The following MBD2 variants were observed in gnomAD, a reference collection of about 807,000 sequenced individuals.
MBD2 encodes the protein methyl-CpG-binding domain protein 2.
MBD2 carries 9 observed loss-of-function variants against 39.3 expected under a neutral mutation model. The ratio of observed to expected loss-of-function variants is 0.23; its 90% confidence interval spans 0.14 to 0.40. The LOEUF is 0.40. MBD2 is among the 10% of genes least tolerant of loss of function. The probability of loss-of-function intolerance (pLI) is 1.00; values close to 1 mark genes in which losing one functional copy is unlikely to be tolerated. For synonymous variants in MBD2, 233 were observed against 211.1 expected, an observed-to-expected ratio of 1.10 and a Z score of -0.90; for missense variants, 458 against 532.6, an observed-to-expected ratio of 0.86 and a Z score of 1.38.
intron 5 of MBD2, among the ~76,000 whole-genome samples, chr18:54,160,392 G>A (rs2086087352): frequency 6.6e-6 from 1 of 152,082 alleles, no homozygotes; most frequent in African/African-American, 2.4e-5. Context: ...CTCTCTCCTG[G>A]ATTCTGAGGT....
In MBD2 at chr18:54,167,619, G is replaced by A. The variant is rs111780882; in HGVS notation, c.841-1453C>T. 4.2e-3 allele frequency among the ~76,000 whole-genome samples: 644 copies of A among 152,296 alleles called. 6 individuals carry two copies. The highest frequency in any genetic ancestry group is 0.013 in the South Asian group (65 of 4,828). ...AGATAATTGTCCTCCAGACAAATGA[G>A]AAGATAAAGTAGTGTAATTCTATTT... On this transcript the variant is annotated intron_variant, in intron 3 of 6. Transcript: ENST00000256429.
intron 2 of MBD2, among the ~76,000 whole-genome samples, chr18:54,197,803 T>C (rs1397253831): frequency 6.6e-6 from 1 of 152,208 alleles, no homozygotes; most frequent in Non-Finnish European, 1.5e-5. Context: ...TCACTTCTAC[T>C]TTTGATTTCA....
rs1398632895 is a variant in MBD2 at position 54,205,111 on chromosome 18, G to T, written c.589C>A (p.Leu197Met). 1 of 1,613,880 alleles carries T rather than the reference G, an allele frequency of 6.2e-7. No homozygotes were observed. Among genetic ancestry groups the T allele is most frequent in the East Asian group, 2.2e-5 (1 of 44,868 alleles). The part of the protein sequence containing the change: ...FRSKPQLARY[L>M]GNTVDLSSFD... ...CTGCTGAGATCAACAGTATTTCCCA[G>T]GTACCTTGCCAACTGAGGCTTGCTT... is the stretch of plus-strand genomic sequence containing the variant. Residue 197 changes from leucine to methionine, a missense_variant, in exon 2 of 7, where the codon CTG becomes ATG. Physicochemically the swap from Leu to Met is conservative, Grantham distance 15. This residue lies in a region of MBD2 where 189 missense variants were observed against 296.6 expected (regional missense o/e 0.64). Transcript: ENST00000256429.
intron 2 of MBD2, among the ~76,000 whole-genome samples, chr18:54,193,256 A>G (rs2086336240): frequency 1.3e-5 from 2 of 152,348 alleles, no homozygotes; most frequent in Non-Finnish European, 2.9e-5. Flanking sequence ...AAAGCCAGAC[A>G]CTTTTTTATG....
chr18:54,218,986 T>C (rs2086585861), intron 1 of MBD2, among the ~76,000 whole-genome samples: 1 of 149,478 alleles, frequency 6.7e-6, no homozygotes, highest in South Asian at 2.1e-4. Flanking sequence ...AAATCCAGTA[T>C]GATAGCTCAT....
intron 3 of MBD2, among the ~76,000 whole-genome samples, chr18:54,179,352 G>C (rs2086233393): frequency 6.6e-6 from 1 of 152,148 alleles, no homozygotes; most frequent in Non-Finnish European, 1.5e-5. Context: ...TCACCTCCAA[G>C]CTCATTTTAT....
intron 2 of MBD2, chr18:54,202,864 C>A: frequency 1.5e-6 from 2 of 1,354,274 alleles, no homozygotes; most frequent in South Asian, 1.2e-5. Context: ...ACAAACAAGT[C>A]ACAAATACAA....
intron 3 of MBD2, among the ~76,000 whole-genome samples, chr18:54,169,409 G>A (rs1424658161): frequency 6.6e-6 from 1 of 150,958 alleles, no homozygotes; most frequent in Non-Finnish European, 1.5e-5. Flanking sequence ...GGGCCTCAGT[G>A]CTTCAGAGGG....
chr18:54,173,428 A>G (rs1450680085), intron 3 of MBD2, among the ~76,000 whole-genome samples: 1 of 152,228 alleles, frequency 6.6e-6, no homozygotes, highest in Non-Finnish European at 1.5e-5. Flanking sequence ...CACAGGTCAC[A>G]TGTCCACAAA....
Position 54,151,614 on chromosome 18 carries a change from C to G in MBD2, c.*3710G>C, listed in dbSNP as rs2086022141. 1 of 152,090 alleles carries G rather than the reference C, an allele frequency of 6.6e-6. No homozygotes were observed. Among genetic ancestry groups the G allele is most frequent in the African/African-American group, 2.4e-5 (1 of 41,426 alleles). 9.4% of individuals were successfully genotyped at this position (152,090 alleles called of 1,614,324 possible). A position where few individuals can be genotyped will look rare whatever the true frequency, so the allele number is the denominator to read the frequency against. On this transcript the variant is annotated 3_prime_UTR_variant, in exon 7 of 7. Coordinates refer to ENST00000256429, the MANE Select transcript of MBD2 (RefSeq NM_003927.5). The stretch of plus-strand genomic sequence containing the variant: ...ATGACTTACACAAACAGTTTTAAAG[C>G]TTCAAAATTTATTGCTGTACATTTT...
chr18:54,203,302 A>G (rs1029635248), intron 2 of MBD2, among the ~76,000 whole-genome samples: 1 of 152,218 alleles, frequency 6.6e-6, no homozygotes, highest in African/African-American at 2.4e-5. Flanking sequence ...ACTGTGTTTT[A>G]AGATGGCAAT....
chr18:54,206,697 G>C (rs541890750), intron 1 of MBD2, among the ~76,000 whole-genome samples: 1 of 152,208 alleles, frequency 6.6e-6, no homozygotes, highest in African/African-American at 2.4e-5. Flanking sequence ...CATGACTTAA[G>C]TATTCGTGAA....
intron 3 of MBD2, among the ~76,000 whole-genome samples, chr18:54,169,762 G>A (rs1599079334): frequency 1.3e-5 from 2 of 152,282 alleles, no homozygotes; most frequent in African/African-American, 4.8e-5. Context: ...TGCCTGGTGT[G>A]AGGCCAAATA....
chr18:54,159,942 C>G (rs776983525), intron 5 of MBD2, 39 bp from the exon 6 acceptor site: 1 of 1,600,890 alleles, frequency 6.2e-7, no homozygotes, highest in East Asian at 2.2e-5. Flanking sequence ...GAGAATTTGG[C>G]AAGTAATGAC....
At chr18:54,183,342 T>A (rs2086263542) in intron 3 of MBD2, among the ~76,000 whole-genome samples, 1 of 151,944 alleles carries the variant, frequency 6.6e-6, no homozygotes, top group Non-Finnish European at 1.5e-5. Context: ...TGAGAATGAG[T>A]GAAATTACCC....
At chr18:54,219,679 T>G (rs1001846764) in intron 1 of MBD2, among the ~76,000 whole-genome samples, 1 of 152,180 alleles carries the variant, frequency 6.6e-6, no homozygotes, top group Non-Finnish European at 1.5e-5. Context: ...CCATTTATTT[T>G]TTGTTTGTTT....
intron 5 of MBD2, 77 bp from the exon 6 acceptor site, chr18:54,159,980 CT>C: frequency 6.8e-7 from 1 of 1,473,004 alleles, no homozygotes; most frequent in Non-Finnish European, 9.3e-7. Context: ...GAAGTTCATC[CT>C]TACTTCAAAA....
At chr18:54,177,520 G>A (rs2086220108) in intron 3 of MBD2, among the ~76,000 whole-genome samples, 2 of 150,878 alleles carry the variant, frequency 1.3e-5, no homozygotes, top group South Asian at 4.2e-4. Flanking sequence ...TCGCTCTGTC[G>A]CCCTGGCTGG....
At position 54,164,675 on chromosome 18, in the gene MBD2, CTCA is replaced by C. The variant is rs1245727933; in HGVS notation, c.954_956del (p.Asp318del). Reference sequence around the variant, plus strand: ...CACTGGCAACAGCAGATAAAAGGGTCTCATCATTGCTACCTGGACCAACTCCTG... The same window carrying C: ...CACTGGCAACAGCAGATAAAAGGGTCTCATTGCTACCTGGACCAACTCCTG... On this transcript the variant is annotated inframe_deletion, in exon 5 of 7. Transcript: ENST00000256429. The C allele has an allele frequency of 6.2e-7, 1 of 1,610,894 alleles. No homozygotes were observed.
Sources: allele counts gnomAD v4.1 joint callset (sites outside exome capture counted in the v4.1 genomes callset), GRCh38; gene constraint gnomAD v4.1.1; regional missense constraint gnomAD v4.1.1; transcripts MANE v1.5; gene names NCBI Gene and HGNC (gene_info 2026-07-23, HGNC 2026-07-21).